The following FRMPD4 variants were observed in gnomAD, a reference collection of about 807,000 sequenced individuals.
FRMPD4 encodes the protein FERM and PDZ domain-containing protein 4.
In FRMPD4, 22 loss-of-function variants were observed where a neutral mutation model predicts 94.1. That is an observed-to-expected ratio of 0.23 (90% CI 0.17 to 0.33). The LOEUF (loss-of-function observed/expected upper bound fraction) is 0.33. FRMPD4 is among the 10% of genes least tolerant of loss of function. FRMPD4 has a pLI of 1.00. For synonymous variants in FRMPD4, 631 were observed against 548.6 expected (o/e 1.15, Z -2.10); for missense variants, 1,111 against 1,339.9 (o/e 0.83, Z 2.67).
At chrX:12,126,829 C>T (rs857362) in intron 3 of FRMPD4, among the ~76,000 whole-genome samples, 12,046 of 111,414 alleles carry the variant, frequency 0.11, 590 homozygotes, top group African/African-American at 0.18. Context: ...GCATCATCGA[C>T]ACACATTCTC....
At chrX:12,568,438 T>G (rs2148357353) in intron 2 of FRMPD4, among the ~76,000 whole-genome samples, 1 of 112,697 alleles carries the variant, frequency 8.9e-6, no homozygotes, top group South Asian at 3.7e-4. Flanking sequence ...AAAGGCTTGC[T>G]TTATTTTTGC....
intron 1 of FRMPD4, among the ~76,000 whole-genome samples, chrX:12,164,316 C>A (rs889569285): frequency 5.4e-5 from 6 of 111,105 alleles, no homozygotes; most frequent in Non-Finnish European, 1.1e-4. Context: ...TTTGTCCTTG[C>A]GATAGTTTGC....
chrX:12,152,923 A>ATTTT (rs11432329), intron 1 of FRMPD4, among the ~76,000 whole-genome samples: 5 of 75,732 alleles, frequency 6.6e-5, no homozygotes, highest in Non-Finnish European at 9.6e-5. Flanking sequence ...AAGCTTATAC[A>ATTTT]TTTTTTTTTT....
chrX:12,608,082 T>C (rs2059147983), intron 2 of FRMPD4, among the ~76,000 whole-genome samples: 1 of 112,668 alleles, frequency 8.9e-6, no homozygotes, highest in African/African-American at 3.2e-5. Flanking sequence ...GGAGAGAAAT[T>C]TGAATTAAAC....
At chrX:12,410,544 A>C (rs1022227044) in intron 1 of FRMPD4, among the ~76,000 whole-genome samples, 6 of 111,491 alleles carry the variant, frequency 5.4e-5, no homozygotes, top group Middle Eastern at 4.6e-3. Flanking sequence ...ATAAAAGCGT[A>C]ATGAAAGAAA....
Position 12,581,197 on chromosome X carries a change from T to C in FRMPD4, c.159-28524T>C, listed in dbSNP as rs193229008. 6.2e-5 allele frequency among the ~76,000 whole-genome samples: 7 copies of C among 112,600 alleles called. No individual in the cohort carries two copies. The Admixed American group carries it at 6.6e-4, about 11-fold the overall frequency. On this transcript the variant is annotated intron_variant, in intron 2 of 16. Transcript: ENST00000675598. The stretch of plus-strand genomic sequence containing the variant: ...CAACCAAATTAGTTGATTGAAATTC[T>C]GTTATGTTTCTCTGAAACAGTCTCC...
At chrX:12,018,478 C>T (rs143315544) in intron 3 of FRMPD4, among the ~76,000 whole-genome samples, 6,172 of 109,535 alleles carry the variant, frequency 0.056, 458 homozygotes, top group African/African-American at 0.19. Flanking sequence ...TGCAGTGGTG[C>T]GATCTCGGCT....
At chrX:12,696,907 A>T (rs779877014) in intron 9 of FRMPD4, among the ~76,000 whole-genome samples, 3 of 111,944 alleles carry the variant, frequency 2.7e-5, no homozygotes, top group Non-Finnish European at 3.8e-5. Context: ...AGCCCTGAAG[A>T]TCACAGGTTA....
chrX:12,546,868 C>T (rs1279030952), intron 2 of FRMPD4, among the ~76,000 whole-genome samples: 1 of 108,725 alleles, frequency 9.2e-6, no homozygotes, highest in Non-Finnish European at 1.9e-5. Context: ...AACACTGGTA[C>T]CAGGCTGGGT....
At chrX:11,829,484 G>T (rs1338892624) in intron 1 of FRMPD4, among the ~76,000 whole-genome samples, 4 of 111,727 alleles carry the variant, frequency 3.6e-5, no homozygotes, top group Non-Finnish European at 7.5e-5. Context: ...TGGGTGACGG[G>T]ATCATTTGTA....
At chrX:12,132,575 T>C (rs1260919181) in intron 3 of FRMPD4, among the ~76,000 whole-genome samples, 1 of 111,794 alleles carries the variant, frequency 8.9e-6, no homozygotes. Flanking sequence ...ATCTCAACGA[T>C]TCAAGGTTGG....
At chrX:12,091,905 G>A (rs752229301) in intron 3 of FRMPD4, among the ~76,000 whole-genome samples, 2 of 111,443 alleles carry the variant, frequency 1.8e-5, no homozygotes, top group East Asian at 2.8e-4. Context: ...TCAGAATGAT[G>A]GTACTCCTCT....
At chrX:12,335,119 C>G (rs187245543) in intron 1 of FRMPD4, among the ~76,000 whole-genome samples, 21 of 109,628 alleles carry the variant, frequency 1.9e-4, no homozygotes, top group African/African-American at 7.0e-4. Flanking sequence ...ATGCATCCTT[C>G]TTTTTTTCTT....
intron 6 of FRMPD4, among the ~76,000 whole-genome samples, chrX:12,685,217 T>C (rs4355984): frequency 0.49 from 54,135 of 110,386 alleles, 9,870 homozygotes; most frequent in Middle Eastern, 0.61. Flanking sequence ...CTTCAGTTCC[T>C]TCATGTGCAA....
At chrX:12,266,599 A>G (rs1000635345) in intron 1 of FRMPD4, among the ~76,000 whole-genome samples, 1 of 111,889 alleles carries the variant, frequency 8.9e-6, no homozygotes, top group African/African-American at 3.3e-5. Flanking sequence ...GTTGAGTCCT[A>G]CCTTCACAGT....
chrX:12,233,394 T>G (rs2057034112), intron 1 of FRMPD4, among the ~76,000 whole-genome samples: 1 of 112,000 alleles, frequency 8.9e-6, no homozygotes, highest in Admixed American at 9.5e-5. Context: ...GAAATTTAAA[T>G]GTTTAAGTAG....
intron 3 of FRMPD4, among the ~76,000 whole-genome samples, chrX:12,027,511 G>A (rs891261132): frequency 2.7e-5 from 3 of 111,806 alleles, no homozygotes; most frequent in African/African-American, 9.8e-5. Flanking sequence ...AGAGTGATCA[G>A]CAATAACTGT....
intron 2 of FRMPD4, among the ~76,000 whole-genome samples, chrX:12,603,399 C>G (rs1219025372): frequency 8.9e-6 from 1 of 111,886 alleles, no homozygotes; most frequent in African/African-American, 3.3e-5. Context: ...TTCTACTAGT[C>G]AAAGCAATTA....
chrX:12,392,290 C>T (rs1325050527), intron 1 of FRMPD4, among the ~76,000 whole-genome samples: 1 of 106,315 alleles, frequency 9.4e-6, no homozygotes, highest in East Asian at 3.1e-4. Context: ...ATCTGCCTGC[C>T]TCGACCTCCC....
Sources: allele counts gnomAD v4.1 joint callset (sites outside exome capture counted in the v4.1 genomes callset), GRCh38; gene constraint gnomAD v4.1.1; transcripts MANE v1.5; gene names NCBI Gene and HGNC (gene_info 2026-07-23, HGNC 2026-07-21).